Variants in LARP4B observed in about 807,000 individuals in gnomAD.
The protein encoded by LARP4B is la-related protein 4B.
LARP4B carries 12 observed loss-of-function variants against 89.8 expected under a neutral mutation model. The observed-to-expected ratio is 0.13, with a 90% confidence interval of 0.09 to 0.22. LARP4B has a LOEUF of 0.22. Ranked by LOEUF, LARP4B falls within the 10% of genes least tolerant of loss-of-function variation. The pLI is 1.00. For synonymous variants in LARP4B, 367 were observed against 363.3 expected (o/e 1.01, Z -0.12); for missense variants, 757 against 947.7 (o/e 0.80, Z 2.64).
At chr10:870,588 G>A (rs1431723686) in intron 3 of LARP4B, among the ~76,000 whole-genome samples, 12 of 152,226 alleles carry the variant, frequency 7.9e-5, no homozygotes, top group African/African-American at 2.9e-4. Context: ...AAAGTCGACT[G>A]TGTAAGAGTG....
At chr10:842,855 A>C in intron 7 of LARP4B, 77 bp downstream of exon 7, 6 of 1,363,502 alleles carry the variant, frequency 4.4e-6, no homozygotes, top group Non-Finnish European at 5.1e-6. Flanking sequence ...TTTGATGGCT[A>C]TAGATTTAAA....
At chr10:956,974 G>A in the LARP4B span, among the ~76,000 whole-genome samples, 5 of 152,102 alleles carry the variant, frequency 3.3e-5, no homozygotes, top group South Asian at 6.2e-4. The surrounding 1 kb of genome is among the most constrained non-coding windows in gnomAD (Gnocchi z 4.3). Context: ...CCTGAGACGC[G>A]GTGAACAGTT....
chr10:888,341 A>C (rs71491325), intron 1 of LARP4B, among the ~76,000 whole-genome samples: 22,888 of 146,316 alleles, frequency 0.16, 1,903 homozygotes, highest in Non-Finnish European at 0.19. Flanking sequence ...AACAAACAAA[A>C]AAAAAAAAAC....
At chr10:878,982 C>T (rs184591390) in intron 3 of LARP4B, among the ~76,000 whole-genome samples, 1 of 151,970 alleles carries the variant, frequency 6.6e-6, no homozygotes, top group African/African-American at 2.4e-5. Context: ...GATCCCAGTG[C>T]CTTGAAAGAC....
At chr10:898,722 T>C (rs1277074023) in intron 1 of LARP4B, among the ~76,000 whole-genome samples, 1 of 152,370 alleles carries the variant, frequency 6.6e-6, no homozygotes, top group East Asian at 1.9e-4. Context: ...AGAATGAGTT[T>C]GGTAAGGATT....
Position 884,361 on chromosome 10 carries a change from G to A in LARP4B, c.141+86C>T, listed in dbSNP as rs1275911238. On this transcript the variant is annotated intron_variant, in intron 3 of 17. Transcript: ENST00000316157. Reference sequence around the variant, plus strand: ...GAAATATCTACATTTTCTAATTTTTGTTACAATAAACATTTTTCTTAAGGA... The same window carrying A: ...GAAATATCTACATTTTCTAATTTTTATTACAATAAACATTTTTCTTAAGGA... 3.8e-5 allele frequency: 37 copies of A among 967,070 alleles called. No homozygotes were observed. In the East Asian group the frequency reaches 8.2e-4, roughly 21 times the overall value. 59.9% of individuals were successfully genotyped at this position (967,070 alleles called of 1,614,324 possible). A position where few individuals can be genotyped will look rare whatever the true frequency, so the allele number is the denominator to read the frequency against.
At chr10:907,113 C>T (rs954146601) in intron 1 of LARP4B, among the ~76,000 whole-genome samples, 4 of 152,242 alleles carry the variant, frequency 2.6e-5, no homozygotes, top group African/African-American at 9.6e-5. Context: ...CCCAGGAATA[C>T]AGCATATCAA....
chr10:904,996 T>C (rs575502457), intron 1 of LARP4B, among the ~76,000 whole-genome samples: 7 of 152,336 alleles, frequency 4.6e-5, no homozygotes, highest in African/African-American at 1.7e-4. Context: ...AAACATTGTA[T>C]AAAAGTACCT....
In LARP4B at chr10:864,289, T is replaced by C. The variant is rs781153909; in HGVS notation, c.142-19A>G. 5 of 1,612,922 alleles carry C rather than the reference T, an allele frequency of 3.1e-6. No homozygotes were observed. Among genetic ancestry groups the C allele is most frequent in the South Asian group, 1.1e-5 (1 of 91,062 alleles). Reference sequence around the variant, plus strand: ...CTGGTACCTAGGAAGAAATGTAAGATAGACATTTGTATCCAAATGTCAACC... The same window carrying C: ...CTGGTACCTAGGAAGAAATGTAAGACAGACATTTGTATCCAAATGTCAACC... On this transcript the variant is annotated intron_variant, in intron 3 of 17. Transcript: ENST00000316157.
chr10:843,179 G>T, intron 6 of LARP4B, 111 bp from the exon 7 acceptor site: 1 of 985,990 alleles, frequency 1.0e-6, no homozygotes, highest in Non-Finnish European at 1.5e-6. Flanking sequence ...TTGCTTTGGA[G>T]TTAAATCTCA....
chr10:938,339 C>T, the LARP4B span, among the ~76,000 whole-genome samples: 6 of 151,894 alleles, frequency 4.0e-5, no homozygotes, highest in Non-Finnish European at 5.9e-5. Flanking sequence ...CAAGCTCCGC[C>T]TCCCGGGTTC....
chr10:851,660 A>C (rs1180209855), intron 5 of LARP4B, among the ~76,000 whole-genome samples: 1 of 152,224 alleles, frequency 6.6e-6, no homozygotes, highest in Non-Finnish European at 1.5e-5. Context: ...CACAACTCAG[A>C]TGAAATAGAC....
At chr10:872,771 A>G (rs1044268883) in intron 3 of LARP4B, among the ~76,000 whole-genome samples, 10 of 152,212 alleles carry the variant, frequency 6.6e-5, no homozygotes, top group African/African-American at 2.4e-4. Flanking sequence ...ACCCACACAC[A>G]GTAGATCACA....
At chr10:921,722 T>C (rs761751295) in intron 1 of LARP4B, among the ~76,000 whole-genome samples, 1 of 152,190 alleles carries the variant, frequency 6.6e-6, no homozygotes, top group Non-Finnish European at 1.5e-5. Flanking sequence ...TACAGTTTAT[T>C]TGGCAATTCT....
At position 840,325 on chromosome 10, in the gene LARP4B, G is replaced by A. The variant is rs530214574; in HGVS notation, c.646+2607C>T. On this transcript the variant is annotated intron_variant, in intron 7 of 17. Coordinates refer to ENST00000316157, the MANE Select transcript of LARP4B (RefSeq NM_015155.3). ...TCACCTGCCCCCATGACGTGACACT[G>A]AATGATGAGCTTCAATCCCGTTCAT... Among the ~76,000 whole-genome samples the A allele has an allele frequency of 1.8e-4, 28 of 152,246 alleles. No individual in the cohort carries two copies. The South Asian group carries it at 5.2e-3, about 28-fold the overall frequency.
intron 3 of LARP4B, among the ~76,000 whole-genome samples, chr10:882,201 T>C (rs1835696179): frequency 6.6e-6 from 1 of 152,112 alleles, no homozygotes; most frequent in South Asian, 2.1e-4. Flanking sequence ...AATAATTCAA[T>C]TGCATACTTT....
intron 5 of LARP4B, among the ~76,000 whole-genome samples, chr10:846,622 C>T (rs1009253420): frequency 2.0e-5 from 3 of 152,100 alleles, no homozygotes; most frequent in Non-Finnish European, 2.9e-5. Flanking sequence ...TCAAGGAGGA[C>T]GTTAAAGTAA....
chr10:981,115 C>A, the LARP4B span, among the ~76,000 whole-genome samples: 1 of 152,236 alleles, frequency 6.6e-6, no homozygotes, highest in Non-Finnish European at 1.5e-5. Context: ...GACTAGAATG[C>A]AGCCAAGCTC....
At chr10:955,119 G>C in the LARP4B span, among the ~76,000 whole-genome samples, 3 of 152,090 alleles carry the variant, frequency 2.0e-5, no homozygotes, top group South Asian at 6.2e-4. The surrounding 1 kb of genome is among the most constrained non-coding windows in gnomAD (Gnocchi z 5.2). Flanking sequence ...GCTTCCCCAG[G>C]ACAGCTCCCA....
Sources: gnomAD v4.1 joint callset for allele counts (sites outside exome capture counted in the v4.1 genomes callset) on GRCh38, gnomAD v4.1.1 for gene constraint, Gnocchi (gnomAD v3.1) non-coding constraint, MANE v1.5 for transcripts, NCBI Gene and HGNC (gene_info 2026-07-23, HGNC 2026-07-21) for gene names.